Variants in CACNA1A observed in about 807,000 individuals in gnomAD.
CACNA1A encodes the protein voltage-dependent P/Q-type calcium channel subunit alpha-1A.
CACNA1A carries 57 observed loss-of-function variants against 262.4 expected under a neutral mutation model. The ratio of observed to expected loss-of-function variants is 0.22; its 90% CI spans 0.18 to 0.27. The LOEUF (loss-of-function observed/expected upper bound fraction) is 0.27. Ranked by LOEUF, CACNA1A falls within the 10% of genes least tolerant of loss-of-function variation. The pLI is 1.00. For synonymous variants in CACNA1A, 1,431 were observed against 1,419.3 expected (o/e 1.01, Z -0.18); for missense variants, 2,526 against 3,562.8 (o/e 0.71, Z 7.41).
rs1600272032 is a variant in CACNA1A, at chr19:13,298,753, C to A, written c.2880G>T (p.Ala960=). 6.6e-7 allele frequency: 1 copy of A among 1,510,734 alleles called. No homozygotes were observed. The highest frequency in any genetic ancestry group is 8.8e-7 in the Non-Finnish European group (1 of 1,136,908). The allele number at this position is 1,510,734 out of a possible 1,614,324, so 93.6% of individuals were successfully genotyped here. ...GADGEHRRHR[A]HRRPGEEGPE... is the part of the protein sequence containing the mutation. Reference sequence around the variant, plus strand: ...GACCCTCCTCCCCGGGCCTGCGGTGCGCGCGATGACGTCGATGCTCCCCGT... The same window carrying A: ...GACCCTCCTCCCCGGGCCTGCGGTGAGCGCGATGACGTCGATGCTCCCCGT... The change falls in exon 19 of 47, where the codon GCG becomes GCT. Residue 960 remains alanine, a synonymous_variant. Transcript: ENST00000360228.
At chr19:13,410,277 A>C (rs1236526546) in intron 3 of CACNA1A, among the ~76,000 whole-genome samples, 1 of 151,696 alleles carries the variant, frequency 6.6e-6, no homozygotes, top group East Asian at 1.9e-4. Context: ...TCCAGCCTGG[A>C]GTGCAGTGGT....
At chr19:13,467,736 C>CAGG (rs1166081501) in intron 1 of CACNA1A, among the ~76,000 whole-genome samples, 3 of 151,732 alleles carry the variant, frequency 2.0e-5, no homozygotes, top group African/African-American at 7.3e-5. Flanking sequence ...TCCCGAGTAG[C>CAGG]TGGGATTACA....
At chr19:13,275,244 T>G (rs1380081882) in intron 24 of CACNA1A, 1 of 153,056 alleles carries the variant, frequency 6.5e-6, no homozygotes, top group Non-Finnish European at 1.5e-5. Context: ...ACCCAGAACT[T>G]GGATGCCATC....
At chr19:13,337,743 T>C (rs1396784084) in intron 6 of CACNA1A, among the ~76,000 whole-genome samples, 1 of 152,092 alleles carries the variant, frequency 6.6e-6, no homozygotes, top group African/African-American at 2.4e-5. Context: ...TTCTGAAAAA[T>C]GTGTCACTAG....
chr19:13,279,231 A>ATT (rs2057225515), intron 22 of CACNA1A, among the ~76,000 whole-genome samples: 1 of 152,138 alleles, frequency 6.6e-6, no homozygotes, highest in African/African-American at 2.4e-5. Context: ...AGACCAATAA[A>ATT]TTAGGTTCAA....
intron 25 of CACNA1A, 39 bp downstream of exon 25, chr19:13,262,695 C>G (rs1253564005): frequency 7.8e-7 from 1 of 1,274,242 alleles, no homozygotes; most frequent in Admixed American, 1.8e-5. Flanking sequence ...ATAACCCTGA[C>G]AGTCCCCCCC....
chr19:13,397,830 C>G (rs75702241), intron 3 of CACNA1A, among the ~76,000 whole-genome samples: 5,682 of 152,274 alleles, frequency 0.037, 169 homozygotes, highest in South Asian at 0.086. Flanking sequence ...TTCTCATGCT[C>G]TTTTCCCTTC....
At chr19:13,476,714 T>TA (rs1568685483) in intron 1 of CACNA1A, among the ~76,000 whole-genome samples, 1 of 152,002 alleles carries the variant, frequency 6.6e-6, no homozygotes, top group Non-Finnish European at 1.5e-5. Flanking sequence ...TTTATCACAA[T>TA]AAAAAAATTC....
At chr19:13,279,750 G>T (rs1568488497) in intron 22 of CACNA1A, among the ~76,000 whole-genome samples, 3 of 151,744 alleles carry the variant, frequency 2.0e-5, no homozygotes, top group African/African-American at 7.3e-5. Context: ...CTCCCAAAGT[G>T]CTGGGATTAC....
chr19:13,393,961 G>C (rs971973480), intron 3 of CACNA1A, among the ~76,000 whole-genome samples: 6 of 151,912 alleles, frequency 3.9e-5, no homozygotes, highest in Non-Finnish European at 7.4e-5. Flanking sequence ...TCTGTTTCTT[G>C]AACTAGGCGC....
chr19:13,229,899 C>T (rs930218029), intron 36 of CACNA1A, 183 bp downstream of exon 36: 16 of 631,890 alleles, frequency 2.5e-5, no homozygotes, highest in South Asian at 2.1e-4. Flanking sequence ...TGGCACCCTA[C>T]GTGTTTAATC....
intron 3 of CACNA1A, among the ~76,000 whole-genome samples, chr19:13,386,582 A>G (rs1015644368): frequency 3.3e-5 from 5 of 152,108 alleles, no homozygotes; most frequent in Non-Finnish European, 7.3e-5. Flanking sequence ...TGAGGTCAGG[A>G]GTTTGAGACC....
chr19:13,231,308 C>T (rs1188196773), intron 35 of CACNA1A, among the ~76,000 whole-genome samples: 2 of 152,078 alleles, frequency 1.3e-5, no homozygotes, highest in Non-Finnish European at 2.9e-5. Context: ...GGCCACTACG[C>T]CCAGCTGAAA....
chr19:13,272,163 G>A (rs949070692), intron 24 of CACNA1A: 10 of 152,310 alleles, frequency 6.6e-5, no homozygotes, highest in Admixed American at 6.5e-4. Context: ...GCTTGGGCTT[G>A]GTACCATTTA....
At chr19:13,385,628 G>A (rs2059599000) in intron 3 of CACNA1A, among the ~76,000 whole-genome samples, 1 of 152,250 alleles carries the variant, frequency 6.6e-6, no homozygotes, top group South Asian at 2.1e-4. Context: ...TGAGTAGGTG[G>A]AACTATAGGC....
At chr19:13,209,237 C>G (rs1600080998) in intron 45 of CACNA1A, 75 bp downstream of exon 45, 1 of 1,413,028 alleles carries the variant, frequency 7.1e-7, no homozygotes, top group East Asian at 2.5e-5. Context: ...TCCTTAGTGT[C>G]TCCTCCGCCC....
chr19:13,345,947 C>CTGGA lies in CACNA1A; in HGVS notation c.979-10042_979-10039dup, dbSNP rs1385158941. On this transcript the variant is annotated intron_variant, in intron 6 of 46. Coordinates refer to ENST00000360228, the MANE Select transcript of CACNA1A (RefSeq NM_001127222.2). ...ACAGAGTCTCGCTCTGTCACCTAGG[C>CTGGA]TGGAGTGCAGTGGGGTGATCTCAAC... Among the ~76,000 whole-genome samples, 27 of 130,094 alleles carry CTGGA rather than the reference C, an allele frequency of 2.1e-4. No homozygotes were observed. In the East Asian group the frequency reaches 5.9e-3, roughly 28 times the overall value. 85.3% of individuals were successfully genotyped at this position (130,094 alleles called of 152,430 possible). A position where few individuals can be genotyped will look rare whatever the true frequency, so the allele number is the denominator to read the frequency against.
Position 13,214,636 on chromosome 19 carries a change from A to G in CACNA1A, c.5732-28T>C. 1.3e-6 allele frequency: 2 copies of G among 1,552,624 alleles called. No homozygotes were observed. Among genetic ancestry groups the G allele is most frequent in the Non-Finnish European group, 1.8e-6 (2 of 1,127,404 alleles). ...GCAATGGGGGTGTAGACAGACCCTG[A>G]CTGCCTGCCTGGGTGTCAGCTGGAC... On this transcript the variant is annotated intron_variant, in intron 38 of 46. Coordinates refer to ENST00000360228, the MANE Select transcript of CACNA1A (RefSeq NM_001127222.2). This position sits in a 1 kb window ranked among gnomAD's most constrained non-coding sequence, Gnocchi z 4.1.
At chr19:13,461,340 AAAAACAAAAC>A (rs59561044) in intron 1 of CACNA1A, among the ~76,000 whole-genome samples, 46,722 of 148,008 alleles carry the variant, frequency 0.32, 7,597 homozygotes, top group Middle Eastern at 0.39. Flanking sequence ...ACTCCGTCTC[AAAAACAAAAC>A]AAAACAAAAC....
Sources: gnomAD v4.1 joint callset for allele counts (sites outside exome capture counted in the v4.1 genomes callset) on GRCh38, gnomAD v4.1.1 for gene constraint, Gnocchi (gnomAD v3.1) non-coding constraint, MANE v1.5 for transcripts, NCBI Gene and HGNC (gene_info 2026-07-23, HGNC 2026-07-21) for gene names.